Variants in SEMA3A observed in about 807,000 individuals in gnomAD.
The protein encoded by SEMA3A is semaphorin 3A, also known as semaphorin-3A.
A neutral mutation model predicts 97.9 loss-of-function variants in SEMA3A; 29 were observed. The ratio of observed to expected loss-of-function variants is 0.30; its 90% CI spans 0.22 to 0.40. SEMA3A has a LOEUF of 0.40. Among genes scored for constraint, SEMA3A ranks in the 10% least tolerant of loss-of-function variants. The pLI, the probability that SEMA3A is intolerant of heterozygous loss-of-function variation, is 1.00. For missense variants in SEMA3A, 763 were observed against 951.3 expected, an observed-to-expected ratio of 0.80 and a Z score of 2.60; for synonymous variants, 321 against 323.7, an observed-to-expected ratio of 0.99 and a Z score of 0.09.
chr7:84,281,277 G>C (rs1458589000), intron 3 of SEMA3A, among the ~76,000 whole-genome samples: 1 of 152,178 alleles, frequency 6.6e-6, no homozygotes, highest in African/African-American at 2.4e-5. Context: ...GCTGGGAGCA[G>C]AATAGAGATC....
intron 1 of SEMA3A, among the ~76,000 whole-genome samples, chr7:84,422,030 A>G (rs1804608948): frequency 6.6e-6 from 1 of 152,152 alleles, no homozygotes; most frequent in South Asian, 2.1e-4. Flanking sequence ...TGCTGGCCTC[A>G]TAAAATGAGT....
At chr7:84,376,669 T>G (rs1323309155) in intron 1 of SEMA3A, among the ~76,000 whole-genome samples, 2 of 151,650 alleles carry the variant, frequency 1.3e-5, no homozygotes, top group African/African-American at 4.8e-5. Context: ...TGTTACTCTT[T>G]CTCTTTTTAA....
chr7:84,445,296 C>A (rs1805380766), intron 1 of SEMA3A, among the ~76,000 whole-genome samples: 1 of 150,896 alleles, frequency 6.6e-6, no homozygotes, highest in Non-Finnish European at 1.5e-5. Context: ...TCAAGGCCAT[C>A]CTGGCTAACA....
chr7:84,290,106 A>G (rs1335798532), intron 3 of SEMA3A, among the ~76,000 whole-genome samples: 2 of 152,124 alleles, frequency 1.3e-5, no homozygotes, highest in Non-Finnish European at 2.9e-5. Flanking sequence ...AGTGGGAGAG[A>G]ATGGGGTGTA....
At chr7:84,003,114 A>G (rs1418760378) in intron 11 of SEMA3A, among the ~76,000 whole-genome samples, 1 of 152,136 alleles carries the variant, frequency 6.6e-6, no homozygotes, top group Non-Finnish European at 1.5e-5. Context: ...TTATATGAGA[A>G]AAATAATTCA....
intron 3 of SEMA3A, among the ~76,000 whole-genome samples, chr7:84,299,391 C>CT (rs1800952550): frequency 6.9e-6 from 1 of 144,208 alleles, no homozygotes; most frequent in Non-Finnish European, 1.5e-5. Flanking sequence ...TATATACACA[C>CT]ATCTCCTACT....
chr7:84,008,164 A>G (rs1790740227), intron 9 of SEMA3A, among the ~76,000 whole-genome samples: 1 of 152,156 alleles, frequency 6.6e-6, no homozygotes, highest in African/African-American at 2.4e-5. Flanking sequence ...AAAAAATCAG[A>G]TAGACTGGAA....
chr7:84,055,647 G>A (rs1350434668), intron 5 of SEMA3A, among the ~76,000 whole-genome samples: 1 of 152,186 alleles, frequency 6.6e-6, no homozygotes, highest in East Asian at 1.9e-4. Context: ...AGATGGAAAT[G>A]CAGAAATCAC....
upstream of SEMA3A, among the ~76,000 whole-genome samples, chr7:84,200,102 T>C (rs1315683718): frequency 2.0e-5 from 3 of 151,742 alleles, no homozygotes; most frequent in African/African-American, 7.3e-5. Context: ...TCATGAATAG[T>C]GATTTCAGTA....
At chr7:84,329,688 G>A (rs935536238) in intron 2 of SEMA3A, among the ~76,000 whole-genome samples, 23 of 151,954 alleles carry the variant, frequency 1.5e-4, no homozygotes, top group Non-Finnish European at 1.5e-4. Flanking sequence ...GATGGAGGCC[G>A]TAGTTTTGTT....
At chr7:84,285,545 T>A (rs1304905385) in intron 3 of SEMA3A, among the ~76,000 whole-genome samples, 3 of 152,194 alleles carry the variant, frequency 2.0e-5, no homozygotes, top group Non-Finnish European at 4.4e-5. Context: ...TGTAAGTGAC[T>A]AATATAAATT....
At chr7:84,058,578 C>T (rs1793090489) in intron 5 of SEMA3A, among the ~76,000 whole-genome samples, 1 of 152,106 alleles carries the variant, frequency 6.6e-6, no homozygotes, top group Non-Finnish European at 1.5e-5. Context: ...AAGGATTTTG[C>T]CAGGTATAAT....
At chr7:84,019,676 C>A (rs867376853) in intron 6 of SEMA3A, among the ~76,000 whole-genome samples, 1 of 151,998 alleles carries the variant, frequency 6.6e-6, no homozygotes, top group African/African-American at 2.4e-5. Context: ...ATATATCCTG[C>A]GGTTTTGCAT....
intron 4 of SEMA3A, among the ~76,000 whole-genome samples, chr7:84,105,527 A>C (rs926382207): frequency 6.6e-6 from 1 of 152,142 alleles, no homozygotes; most frequent in Non-Finnish European, 1.5e-5. Context: ...TCTATCATAA[A>C]TCTCAATCAT....
At chr7:84,153,586 A>G (rs1433839463) in intron 1 of SEMA3A, among the ~76,000 whole-genome samples, 1 of 152,124 alleles carries the variant, frequency 6.6e-6, no homozygotes, top group Non-Finnish European at 1.5e-5. Context: ...ATTTAGCCTT[A>G]CACTATTTTA....
At chr7:84,218,245 C>T (rs1798795454) in intron 3 of SEMA3A, among the ~76,000 whole-genome samples, 1 of 151,706 alleles carries the variant, frequency 6.6e-6, no homozygotes. Flanking sequence ...ATCTTTGGTC[C>T]TTGTCGATGG....
rs536009629 is a variant in SEMA3A, at chr7:84,386,737, G to C, written c.-245-14837C>G. The stretch of plus-strand genomic sequence containing the variant: ...AGGTTCTTTTATAAAGTCAATTATG[G>C]GCCTGTAATCCCAGCACTTTGGGAG... On this transcript the variant is annotated intron_variant, in intron 1 of 3. Transcript: ENST00000424555. 1.4e-3 allele frequency among the ~76,000 whole-genome samples: 219 copies of C among 151,922 alleles called. 2 individuals carry two copies. The highest frequency in any genetic ancestry group is 2.3e-3 in the Non-Finnish European group (156 of 67,954).
chr7:84,420,390 A>G (rs1048861298), intron 1 of SEMA3A, among the ~76,000 whole-genome samples: 4 of 152,054 alleles, frequency 2.6e-5, no homozygotes, highest in African/African-American at 9.7e-5. Context: ...ACATTATGGA[A>G]CTTAAAATTA....
chr7:84,078,747 T>C (rs1296989141), intron 4 of SEMA3A, among the ~76,000 whole-genome samples: 1 of 151,894 alleles, frequency 6.6e-6, no homozygotes, highest in East Asian at 1.9e-4. Flanking sequence ...ATATATGTTA[T>C]ATATACACAT....
Sources: gnomAD v4.1 joint callset for allele counts (sites outside exome capture counted in the v4.1 genomes callset) on GRCh38, gnomAD v4.1.1 for gene constraint, MANE v1.5 for transcripts, NCBI Gene and HGNC (gene_info 2026-07-23, HGNC 2026-07-21) for gene names.